The following SCARA3 variants were observed in gnomAD, a reference collection of about 807,000 sequenced individuals.
SCARA3 encodes the protein scavenger receptor class A member 3.
A neutral mutation model predicts 47.0 loss-of-function variants in SCARA3; 39 were observed. That is an observed-to-expected ratio of 0.83 (90% confidence interval 0.64 to 1.08). SCARA3 has a LOEUF of 1.08. Among genes scored for constraint, SCARA3 ranks in the 50% least tolerant of loss-of-function variants. SCARA3 has a pLI of 0.00. For missense variants in SCARA3, 724 were observed against 792.3 expected (o/e 0.91, Z 1.04); for synonymous variants, 356 against 334.1 (o/e 1.07, Z -0.71).
intron 1 of SCARA3, among the ~76,000 whole-genome samples, chr8:27,643,879 TG>T (rs1801436744): frequency 6.6e-6 from 1 of 152,206 alleles, no homozygotes; most frequent in African/African-American, 2.4e-5. Context: ...GACACATTTT[TG>T]GTCAACCAAA....
At chr8:27,685,403 C>T in the SCARA3 span, among the ~76,000 whole-genome samples, 1 of 152,182 alleles carries the variant, frequency 6.6e-6, no homozygotes, top group African/African-American at 2.4e-5. Context: ...TCCAATCCAA[C>T]ACAAACTCTT....
At chr8:27,668,112 C>T (rs995070451) in intron 5 of SCARA3, among the ~76,000 whole-genome samples, 3 of 152,206 alleles carry the variant, frequency 2.0e-5, no homozygotes, top group African/African-American at 7.2e-5. Flanking sequence ...AAACATCCAC[C>T]AGGAGCATGT....
At chr8:27,656,512 A>C (rs953212628) in intron 3 of SCARA3, among the ~76,000 whole-genome samples, 10 of 151,670 alleles carry the variant, frequency 6.6e-5, no homozygotes, top group South Asian at 4.2e-4. Context: ...TTTTTTTTTA[A>C]TTTTTTTTCT....
At chr8:27,682,590 A>T in the SCARA3 span, among the ~76,000 whole-genome samples, 10 of 152,308 alleles carry the variant, frequency 6.6e-5, no homozygotes, top group African/African-American at 2.2e-4. Context: ...GTTTAAACAG[A>T]TACTTCACAG....
the SCARA3 span, among the ~76,000 whole-genome samples, chr8:27,682,589 G>C: frequency 6.6e-6 from 1 of 152,116 alleles, no homozygotes; most frequent in East Asian, 1.9e-4. Flanking sequence ...TGTTTAAACA[G>C]ATACTTCACA....
At chr8:27,731,224 T>C in the SCARA3 span, among the ~76,000 whole-genome samples, 1 of 151,312 alleles carries the variant, frequency 6.6e-6, no homozygotes, top group Non-Finnish European at 1.5e-5. Context: ...CTTGGCCTCC[T>C]GAGTAGCTAG....
At chr8:27,700,500 G>A in the SCARA3 span, among the ~76,000 whole-genome samples, 1 of 151,984 alleles carries the variant, frequency 6.6e-6, no homozygotes, top group Non-Finnish European at 1.5e-5. Context: ...CCAGCTACTT[G>A]GAAGGGTGAG....
At chr8:27,656,660 T>G (rs1004494977) in intron 3 of SCARA3, 122 bp from the exon 4 acceptor site, 1 of 683,092 alleles carries the variant, frequency 1.5e-6, no homozygotes, top group Non-Finnish European at 2.6e-6. Context: ...TGAAGAAGCC[T>G]GAGAGAAGAA....
At chr8:27,642,468 G>A (rs117669398) in intron 1 of SCARA3, among the ~76,000 whole-genome samples, 87 of 152,320 alleles carry the variant, frequency 5.7e-4, no homozygotes, top group Non-Finnish European at 1.1e-3. Flanking sequence ...GGGAAGTGGG[G>A]TGCCCATGCG....
intron 5 of SCARA3, among the ~76,000 whole-genome samples, chr8:27,660,908 G>A (rs1200263287): frequency 6.6e-6 from 1 of 152,094 alleles, no homozygotes; most frequent in Non-Finnish European, 1.5e-5. Flanking sequence ...ATGGATAGAT[G>A]GATATTATAA....
chr8:27,709,115 T>C, the SCARA3 span, among the ~76,000 whole-genome samples: 1 of 152,218 alleles, frequency 6.6e-6, no homozygotes, highest in African/African-American at 2.4e-5. Flanking sequence ...GGAGCATTTC[T>C]CATATTTATT....
intron 4 of SCARA3, among the ~76,000 whole-genome samples, chr8:27,657,514 C>T (rs1043627460): frequency 7.3e-6 from 1 of 137,718 alleles, no homozygotes; most frequent in African/African-American, 2.8e-5. Flanking sequence ...CTATTGTTGC[C>T]ATCTTTATGT....
At chr8:27,716,996 C>G in the SCARA3 span, among the ~76,000 whole-genome samples, 1 of 152,062 alleles carries the variant, frequency 6.6e-6, no homozygotes, top group Admixed American at 6.5e-5. Flanking sequence ...GAAAATAGTG[C>G]AAGAATCTAA....
At chr8:27,685,713 A>G in the SCARA3 span, among the ~76,000 whole-genome samples, 1 of 152,224 alleles carries the variant, frequency 6.6e-6, no homozygotes. Context: ...TGGAAAGTAC[A>G]CAACACCACC....
At chr8:27,673,024 G>A (rs1287198192), downstream of SCARA3, 3 of 983,296 alleles carry the variant, frequency 3.1e-6, no homozygotes, top group East Asian at 2.3e-4. Context: ...CAGGAGTGAG[G>A]TGTCTTTGAG....
intron 5 of SCARA3, among the ~76,000 whole-genome samples, chr8:27,664,979 C>T (rs1801985863): frequency 6.6e-6 from 1 of 152,218 alleles, no homozygotes; most frequent in African/African-American, 2.4e-5. Context: ...CAGTGCACAT[C>T]CCTTTCTCTG....
intron 1 of SCARA3, among the ~76,000 whole-genome samples, chr8:27,647,066 G>A (rs1453740846): frequency 6.9e-6 from 1 of 144,788 alleles, no homozygotes; most frequent in Non-Finnish European, 1.5e-5. Flanking sequence ...CGGAAGCTTT[G>A]CCACTGCCCA....
chr8:27,705,134 A>G, the SCARA3 span, among the ~76,000 whole-genome samples: 4 of 152,132 alleles, frequency 2.6e-5, no homozygotes, highest in Non-Finnish European at 5.9e-5. Context: ...CAAAACTCTC[A>G]TAGCCTGTGT....
Position 27,671,173 on chromosome 8 carries a change from C to T in SCARA3, c.1643C>T (p.Pro548Leu). The T allele has an allele frequency of 6.6e-7, 1 of 1,523,752 alleles. No individual in the cohort carries two copies. The highest frequency in any genetic ancestry group is 8.8e-7 in the Non-Finnish European group (1 of 1,139,746). 94.4% of individuals were successfully genotyped at this position (1,523,752 alleles called of 1,614,324 possible). ...AAAGGGGACATAGGGCCCCCAGGGC[C>T]AGAAGGGCCCCCGGGGTCTCCAGGG... ...GPKGDIGPPG[P>L]EGPPGSPGPS... The change falls in exon 6 of 6, where the codon CCA becomes CTA. Residue 548 changes from proline to leucine, a missense_variant. Physicochemically the swap from Pro to Leu is moderately conservative, Grantham distance 98. Transcript: ENST00000301904.
Sources: allele counts gnomAD v4.1 joint callset (sites outside exome capture counted in the v4.1 genomes callset), GRCh38; gene constraint gnomAD v4.1.1; transcripts MANE v1.5; gene names NCBI Gene and HGNC (gene_info 2026-07-23, HGNC 2026-07-21).